GABRR3: variants seen among roughly 807,000 people sequenced by gnomAD.
The protein encoded by GABRR3 is gamma-aminobutyric acid type A receptor subunit rho3.
A neutral mutation model predicts 43.2 loss-of-function variants in GABRR3; 29 were observed. The ratio of observed to expected loss-of-function variants is 0.67; its 90% CI spans 0.50 to 0.92. GABRR3 has a LOEUF of 0.92. Ranked by LOEUF, GABRR3 falls within the 40% of genes least tolerant of loss-of-function variation. The pLI is 0.00. For missense variants in GABRR3, 576 were observed against 572.3 expected (o/e 1.01, Z -0.07); for synonymous variants, 206 against 195.9 (o/e 1.05, Z -0.43).
chr3:98,005,210 AACACACAC>A (rs60490447), intron 7 of GABRR3, among the ~76,000 whole-genome samples: 448 of 148,022 alleles, frequency 3.0e-3, no homozygotes, highest in African/African-American at 0.01. Flanking sequence ...CTAGGCTTTT[AACACACAC>A]ACACACACAC....
intron 4 of GABRR3, among the ~76,000 whole-genome samples, chr3:98,017,092 T>C (rs1388048126): frequency 6.6e-6 from 1 of 152,168 alleles, no homozygotes. Flanking sequence ...AGATGTTTCA[T>C]TGCAAAATTA....
intron 8 of GABRR3, chr3:97,998,797 G>GA (rs1193627356): frequency 6.6e-6 from 1 of 152,008 alleles, no homozygotes; most frequent in African/African-American, 2.4e-5. Context: ...CCTACTAAAT[G>GA]TTTTTGTTTT....
intron 7 of GABRR3, among the ~76,000 whole-genome samples, chr3:98,005,505 A>G (rs1706714199): frequency 6.6e-6 from 1 of 152,140 alleles, no homozygotes; most frequent in Non-Finnish European, 1.5e-5. Context: ...AAGATTTGTA[A>G]GTTCATTTTA....
chr3:98,032,916 G>C (rs986724738), intron 2 of GABRR3, among the ~76,000 whole-genome samples: 1 of 152,140 alleles, frequency 6.6e-6, no homozygotes, highest in African/African-American at 2.4e-5. Flanking sequence ...CTGATAATCA[G>C]GTCGGGTGCT....
At chr3:98,003,917 C>A (rs1456432532) in intron 7 of GABRR3, among the ~76,000 whole-genome samples, 1 of 152,148 alleles carries the variant, frequency 6.6e-6, no homozygotes, top group East Asian at 1.9e-4. Flanking sequence ...TCACTTCATA[C>A]CCTTTTGTCA....
chr3:98,007,809 C>CA lies in GABRR3; in HGVS notation c.708dup (p.Glu237Ter), dbSNP rs764303708. On this transcript the variant is annotated frameshift_variant, in exon 7 of 10. Coordinates refer to ENST00000621172, the Ensembl canonical transcript of GABRR3. LOFTEE classifies it high-confidence loss of function. Reference sequence around the variant, plus strand: ...AATCCACTAGATGCACTGAAGTCTTCAATGAAGAACTGAGAAAGGGACATA... The same window carrying CA: ...AATCCACTAGATGCACTGAAGTCTTCAAATGAAGAACTGAGAAAGGGACATA... 17 of 1,613,122 alleles carry CA rather than the reference C, an allele frequency of 1.1e-5. No individual in the cohort carries two copies. Among genetic ancestry groups the CA allele is most frequent in the Non-Finnish European group, 1.4e-5 (16 of 1,179,618 alleles).
chr3:97,990,874 T>A (rs1488626634), intron 9 of GABRR3, among the ~76,000 whole-genome samples: 1 of 152,168 alleles, frequency 6.6e-6, no homozygotes, highest in Non-Finnish European at 1.5e-5. Context: ...TGCACCACAA[T>A]GTGAATATAC....
chr3:98,009,092 A>G, intron 5 of GABRR3, 54 bp from the exon 6 acceptor site: 2 of 1,127,764 alleles, frequency 1.8e-6, no homozygotes, highest in Non-Finnish European at 2.6e-6. Flanking sequence ...ATCTGGCCAA[A>G]TGAGCATGCA....
intron 2 of GABRR3, among the ~76,000 whole-genome samples, chr3:98,028,703 A>G (rs992616495): frequency 6.6e-6 from 1 of 152,186 alleles, no homozygotes; most frequent in Non-Finnish European, 1.5e-5. Context: ...GTTTTAAGAA[A>G]GAGGTCAGAG....
At chr3:98,007,577 T>C (rs1002694924) in intron 7 of GABRR3, 187 bp downstream of exon 7, 2 of 160,872 alleles carry the variant, frequency 1.2e-5, no homozygotes, top group Admixed American at 6.5e-5. Context: ...TAGTTAGAGG[T>C]GGCTGCATGA....
chr3:97,997,346 C>T (rs1388916798), intron 8 of GABRR3: 1 of 152,076 alleles, frequency 6.6e-6, no homozygotes, highest in African/African-American at 2.4e-5. Context: ...AGATCAAAAT[C>T]TCTAAAGTCT....
At chr3:98,003,451 G>A (rs1170745937) in intron 7 of GABRR3, among the ~76,000 whole-genome samples, 4 of 148,968 alleles carry the variant, frequency 2.7e-5, no homozygotes, top group African/African-American at 7.4e-5. Flanking sequence ...GGGGCAGGGT[G>A]GAGTAACCAG....
At chr3:98,004,226 T>A (rs1306375686) in intron 7 of GABRR3, among the ~76,000 whole-genome samples, 4 of 152,192 alleles carry the variant, frequency 2.6e-5, no homozygotes, top group African/African-American at 4.8e-5. Flanking sequence ...AATAGGGTGA[T>A]GATGACAGCT....
At chr3:97,987,752 T>C (rs1289681822) in intron 9 of GABRR3, among the ~76,000 whole-genome samples, 1 of 152,184 alleles carries the variant, frequency 6.6e-6, no homozygotes, top group Admixed American at 6.5e-5. Context: ...CTTTTTATTT[T>C]TTTAACTTTT....
rs536191644 is a variant in GABRR3, at chr3:98,001,225, G to A, written c.907+390C>T. 31 of 176,400 alleles carry A rather than the reference G, an allele frequency of 1.8e-4. No individual in the cohort carries two copies. In the South Asian group the frequency reaches 4.6e-3, roughly 26 times the overall value. The allele number at this position is 176,400 out of a possible 1,614,324, so 10.9% of individuals were successfully genotyped here. A position where few individuals can be genotyped will look rare whatever the true frequency, so the allele number is the denominator to read the frequency against. The stretch of plus-strand genomic sequence containing the variant: ...CTAAGAGTATAGTGTGAATTAGTTT[G>A]AAGGTTTTCCTTTCTGTGATGTAAG... On this transcript the variant is annotated intron_variant, in intron 8 of 9. Transcript: ENST00000621172.
chr3:98,007,812 T>A, exon 7 of GABRR3: 1 of 1,613,546 alleles, frequency 6.2e-7, no homozygotes, highest in Non-Finnish European at 8.5e-7. Flanking sequence ...AAGTCTTCAA[T>A]GAAGAACTGA....
intron 2 of GABRR3, among the ~76,000 whole-genome samples, chr3:98,033,472 A>T (rs1198286237): frequency 3.3e-5 from 5 of 152,134 alleles, no homozygotes; most frequent in Non-Finnish European, 4.4e-5. Context: ...TTTAAATGTC[A>T]CCTAAAAAAT....
At chr3:98,026,850 G>C (rs1383920248) in intron 2 of GABRR3, among the ~76,000 whole-genome samples, 4 of 152,262 alleles carry the variant, frequency 2.6e-5, no homozygotes, top group African/African-American at 9.6e-5. Context: ...AGAATCTGGA[G>C]CAGCTGCTAA....
intron 7 of GABRR3, among the ~76,000 whole-genome samples, chr3:98,004,159 C>T (rs1706692644): frequency 6.6e-6 from 1 of 151,908 alleles, no homozygotes. Flanking sequence ...CTTCAATGGC[C>T]CTTTGAAAGT....
Sources: allele counts gnomAD v4.1 joint callset (sites outside exome capture counted in the v4.1 genomes callset), GRCh38; gene constraint gnomAD v4.1.1; transcripts MANE v1.5; gene names NCBI Gene and HGNC (gene_info 2026-07-23, HGNC 2026-07-21).